The following ATP2C1 variants were observed in gnomAD, a reference collection of about 807,000 sequenced individuals.
ATP2C1 encodes ATPase secretory pathway Ca2+ transporting 1.
A neutral mutation model predicts 120.5 loss-of-function variants in ATP2C1; 31 were observed. The ratio of observed to expected loss-of-function variants is 0.26; its 90% confidence interval spans 0.19 to 0.35. The LOEUF (loss-of-function observed/expected upper bound fraction) is 0.35. Ranked by LOEUF, ATP2C1 falls within the 10% of genes least tolerant of loss-of-function variation. The probability of loss-of-function intolerance (pLI) is 1.00; values close to 1 mark genes in which losing one functional copy is unlikely to be tolerated. For synonymous variants in ATP2C1, 351 were observed against 358.7 expected (o/e 0.98, Z 0.24); for missense variants, 731 against 1,107.5 (o/e 0.66, Z 4.83).
chr3:131,014,293 G>A (rs1245520559), intron 26 of ATP2C1: 3 of 1,613,788 alleles, frequency 1.9e-6, no homozygotes, highest in African/African-American at 2.7e-5. Context: ...TCATAAAGTT[G>A]CTTAGCCTCA....
chr3:130,940,591 G>T, intron 6 of ATP2C1, 39 bp from the exon 7 acceptor site: 1 of 1,357,382 alleles, frequency 7.4e-7, no homozygotes, highest in Non-Finnish European at 1.1e-6. Context: ...ATATATTCAT[G>T]GGAGCAAAAT....
rs190692043 is a variant in ATP2C1 at position 130,866,550 on chromosome 3, C to T, written c.108+15622C>T. Among the ~76,000 whole-genome samples, 432 of 152,298 alleles carry T rather than the reference C, an allele frequency of 2.8e-3. 1 individual carries two copies. The highest frequency in any genetic ancestry group is 6.8e-3 in the Middle Eastern group (2 of 294). Reference sequence around the variant, plus strand: ...CCTGGAATAAGAAAACAAAAACTGGCTTCATAGCTAGGATGACAACTGTAG... The same window carrying T: ...CCTGGAATAAGAAAACAAAAACTGGTTTCATAGCTAGGATGACAACTGTAG... On this transcript the variant is annotated intron_variant, in intron 1 of 26. Coordinates refer to the ATP2C1 transcript ENST00000504381.
rs949582415 is a variant in ATP2C1, at chr3:130,941,680, C to T, written c.512C>T (p.Ala171Val). 6.2e-7 allele frequency: 1 copy of T among 1,613,746 alleles called. No homozygotes were observed. Among genetic ancestry groups the T allele is most frequent in the Non-Finnish European group, 8.5e-7 (1 of 1,179,758 alleles). Residue 171 changes from alanine (A) to valine (V), a missense_variant, in exon 8 of 28, where the codon GCT becomes GTT. Around this residue, in one of 3 missense-constraint regions of ATP2C1, gnomAD observed 571 missense variants for 845.9 expected, o/e 0.67. Coordinates refer to ENST00000510168, the MANE Select transcript of ATP2C1 (RefSeq NM_001378687.1). ...CTTTCTGTTGGGGATAGAGTTCCTGCTGACTTACGCTTGTTTGAGGTAAAT... is the reference window on the plus strand; with the variant it reads ...CTTTCTGTTGGGGATAGAGTTCCTGTTGACTTACGCTTGTTTGAGGTAAAT... ...VCLSVGDRVPADLRLFEAVDL... is the reference protein window; with the variant it reads ...VCLSVGDRVPVDLRLFEAVDL...
chr3:130,857,965 G>C (rs2067896072), intron 1 of ATP2C1, among the ~76,000 whole-genome samples: 2 of 152,160 alleles, frequency 1.3e-5, no homozygotes, highest in African/African-American at 4.8e-5. Flanking sequence ...AAAGGCCTGA[G>C]AGCCCCTGGT....
chr3:130,865,009 C>T (rs978809477), intron 1 of ATP2C1, among the ~76,000 whole-genome samples: 4 of 152,144 alleles, frequency 2.6e-5, no homozygotes, highest in Non-Finnish European at 5.9e-5. Context: ...CCACCGACAG[C>T]TTGCACCGTG....
intron 17 of ATP2C1, among the ~76,000 whole-genome samples, chr3:130,971,611 CAG>C (rs2061320068): frequency 6.6e-6 from 1 of 152,082 alleles, no homozygotes; most frequent in South Asian, 2.1e-4. Context: ...GATATAAACT[CAG>C]AAAGTATAGG....
At chr3:131,009,464 T>G (rs2063235026) in intron 26 of ATP2C1, among the ~76,000 whole-genome samples, 2 of 152,358 alleles carry the variant, frequency 1.3e-5, no homozygotes, top group Non-Finnish European at 2.9e-5. Context: ...GCATGTTCAT[T>G]TTTCATTTGA....
At position 130,969,278 on chromosome 3, in the gene ATP2C1, T is replaced by A. The variant is rs780632949; in HGVS notation, c.1309-14T>A. The A allele has an allele frequency of 1.3e-6, 2 of 1,582,004 alleles. No homozygotes were observed. Among genetic ancestry groups the A allele is most frequent in the Non-Finnish European group, 1.7e-6 (2 of 1,150,994 alleles). ...CATATAGGTGAGAATTAACTTTCTCTTTGTGCCATATAGATGGGTCTTGAT... is the reference window on the plus strand; with the variant it reads ...CATATAGGTGAGAATTAACTTTCTCATTGTGCCATATAGATGGGTCTTGAT... On this transcript the variant is annotated splice_polypyrimidine_tract_variant and intron_variant, in intron 16 of 27. Transcript: ENST00000510168.
rs201666095 is a variant in ATP2C1 at position 130,992,939 on chromosome 3, G to A, written c.1840-12G>A. 1.7e-3 allele frequency: 2,764 copies of A among 1,606,534 alleles called. 4 individuals are homozygous for A. The highest frequency in any genetic ancestry group is 2.3e-3 in the Non-Finnish European group (2,655 of 1,173,530). ...ATATTGAAGATTTTTAGTGTATCTT[G>A]TATTTTAACAGGTTGCAGTATTTTA... On this transcript the variant is annotated splice_polypyrimidine_tract_variant and intron_variant, in intron 20 of 27. Coordinates refer to ENST00000510168, the MANE Select transcript of ATP2C1 (RefSeq NM_001378687.1).
At position 130,953,886 on chromosome 3, in the gene ATP2C1, A is replaced by T. The variant is rs902446558; in HGVS notation, c.597A>T (p.Thr199=). 1 of 1,614,076 alleles carries T rather than the reference A, an allele frequency of 6.2e-7. No individual in the cohort carries two copies. Among genetic ancestry groups the T allele is most frequent in the African/African-American group, 1.3e-5 (1 of 75,044 alleles). ...TGETTPCSKV[T]APQPAATNGD... Reference sequence around the variant, plus strand: ...AGACAACGCCTTGTTCTAAGGTGACAGCTCCTCAGCCAGCTGCAACTAATG... The same window carrying T: ...AGACAACGCCTTGTTCTAAGGTGACTGCTCCTCAGCCAGCTGCAACTAATG... The change falls in exon 9 of 28, where the codon ACA becomes ACT. Residue 199 remains threonine (T), a synonymous_variant. Coordinates refer to ENST00000510168, the MANE Select transcript of ATP2C1 (RefSeq NM_001378687.1).
At chr3:130,859,374 A>G (rs2067945011) in intron 1 of ATP2C1, among the ~76,000 whole-genome samples, 1 of 152,234 alleles carries the variant, frequency 6.6e-6, no homozygotes, top group African/African-American at 2.4e-5. Flanking sequence ...ACCTGTGACT[A>G]GCTTTTCTAA....
Position 130,953,983 on chromosome 3 carries a change from T to A in ATP2C1, c.687+7T>A. On this transcript the variant is annotated splice_region_variant and intron_variant, in intron 9 of 27. Transcript: ENST00000510168. ...CAGATGTGGCAAAGCAAAGGTAAAT[T>A]TTTTTCCTGATTTGAAAAAAGCAGT... 6.2e-7 allele frequency: 1 copy of A among 1,613,932 alleles called. No individual in the cohort carries two copies. The highest frequency in any genetic ancestry group is 8.5e-7 in the Non-Finnish European group (1 of 1,179,870).
chr3:130,912,781 C>G (rs2058493925), intron 2 of ATP2C1, among the ~76,000 whole-genome samples: 1 of 151,404 alleles, frequency 6.6e-6, no homozygotes, highest in Admixed American at 6.6e-5. Flanking sequence ...ATAAATCATG[C>G]TGCTATAAAG....
intron 20 of ATP2C1, among the ~76,000 whole-genome samples, chr3:130,989,514 G>A (rs1433630113): frequency 2.0e-5 from 3 of 146,494 alleles, no homozygotes; most frequent in East Asian, 2.0e-4. Flanking sequence ...GTGGTGAGCC[G>A]AGATTGCGCC....
At chr3:131,014,362 C>T (rs761052667) in intron 26 of ATP2C1, 15 of 1,605,496 alleles carry the variant, frequency 9.3e-6, no homozygotes, top group Middle Eastern at 3.3e-4. Flanking sequence ...TGGCATAGTC[C>T]GTGCACCAGG....
chr3:130,969,286 A>G lies in ATP2C1; in HGVS notation c.1309-6A>G, dbSNP rs778953798. 2 of 1,604,440 alleles carry G rather than the reference A, an allele frequency of 1.2e-6. No homozygotes were observed. The highest frequency in any genetic ancestry group is 1.1e-5 in the South Asian group (1 of 90,904). On this transcript the variant is annotated splice_region_variant and splice_polypyrimidine_tract_variant and intron_variant, in intron 16 of 27. Transcript: ENST00000510168. The stretch of plus-strand genomic sequence containing the variant: ...TGAGAATTAACTTTCTCTTTGTGCC[A>G]TATAGATGGGTCTTGATGGACTTCA...
intron 2 of ATP2C1, among the ~76,000 whole-genome samples, chr3:130,896,207 G>C (rs1390124023): frequency 1.3e-5 from 2 of 152,140 alleles, no homozygotes; most frequent in Non-Finnish European, 2.9e-5. Flanking sequence ...AAAGTAGGTG[G>C]ATTCTTTCAT....
intron 2 of ATP2C1, chr3:130,930,189 G>A (rs911510077): frequency 5.8e-6 from 3 of 516,374 alleles, no homozygotes; most frequent in Non-Finnish European, 3.5e-6. Context: ...AAAATTTTGT[G>A]TTCTAGCTGG....
In ATP2C1 at chr3:130,955,013, G is replaced by C; in HGVS notation, c.689G>C (p.Gly230Ala). ...GTATTTTCCTGTTTTTCCCCTTAGG[G>C]TGTTGTCATTGGAACAGGAGAAAAT... ...GTLVRCGKAK[G>A]VVIGTGENSE... Residue 230 changes from glycine (G) to alanine (A), a missense_variant and splice_region_variant, in exon 10 of 28, where the codon GGT (glycine) becomes GCT (alanine). Coordinates refer to ENST00000510168, the MANE Select transcript of ATP2C1 (RefSeq NM_001378687.1). 2 of 1,610,924 alleles carry C rather than the reference G, an allele frequency of 1.2e-6. No individual in the cohort carries two copies. The highest frequency in any genetic ancestry group is 1.7e-6 in the Non-Finnish European group (2 of 1,177,468).
Sources: allele counts gnomAD v4.1 joint callset (sites outside exome capture counted in the v4.1 genomes callset), GRCh38; gene constraint gnomAD v4.1.1; regional missense constraint gnomAD v4.1.1; transcripts MANE v1.5; gene names NCBI Gene and HGNC (gene_info 2026-07-23, HGNC 2026-07-21).